Variants in CRACR2A observed in about 807,000 individuals in gnomAD.
CRACR2A encodes EF-hand calcium-binding domain-containing protein 4B.
Under a neutral mutation model 90.5 loss-of-function variants are expected in CRACR2A, and 79 were observed. The ratio of observed to expected loss-of-function variants is 0.87; its 90% CI spans 0.73 to 1.05. The LOEUF is 1.05. CRACR2A is among the 50% of genes least tolerant of loss of function. The pLI, the probability that CRACR2A is intolerant of heterozygous loss-of-function variation, is 0.00. For missense variants in CRACR2A, 823 were observed against 897.2 expected, an observed-to-expected ratio of 0.92 and a Z score of 1.06; for synonymous variants, 338 against 356.7, an observed-to-expected ratio of 0.95 and a Z score of 0.59.
chr12:3,656,112 AAC>A (rs1330042040), intron 9 of CRACR2A, among the ~76,000 whole-genome samples, 197 bp downstream of exon 9: 3 of 152,176 alleles, frequency 2.0e-5, no homozygotes, highest in Non-Finnish European at 4.4e-5. Context: ...TTCCAAGTGA[AAC>A]ACCTGGTATT....
chr12:3,730,665 T>C (rs181758519), intron 2 of CRACR2A: 2 of 152,212 alleles, frequency 1.3e-5, no homozygotes, highest in Non-Finnish European at 2.9e-5. Flanking sequence ...GAGGGAAAGA[T>C]CACCAAGATA....
At chr12:3,696,338 G>A (rs866920954) in intron 4 of CRACR2A, among the ~76,000 whole-genome samples, 1 of 152,350 alleles carries the variant, frequency 6.6e-6, no homozygotes, top group East Asian at 1.9e-4. Flanking sequence ...GTTTGAAGGC[G>A]AGACATGGGT....
chr12:3,676,907 A>C (rs242033), intron 6 of CRACR2A, among the ~76,000 whole-genome samples: 55,994 of 151,978 alleles, frequency 0.37, 10,693 homozygotes, highest in East Asian at 0.47. Context: ...TTGCAGACCC[A>C]CCTGCTCCTC....
At position 3,698,533 on chromosome 12, in the gene CRACR2A, A is replaced by G. The variant is rs534278509; in HGVS notation, c.-36-1498T>C. 1.2e-4 allele frequency among the ~76,000 whole-genome samples: 18 copies of G among 152,352 alleles called. No individual in the cohort carries two copies. The South Asian group carries it at 2.1e-3, about 18-fold the overall frequency. ...GCTCCTGGCCTCAGGAATGAACTTC[A>G]TGTAATAAGGCCTTGACATTGCAGA... is the stretch of plus-strand genomic sequence containing the variant. On this transcript the variant is annotated intron_variant, in intron 3 of 19. Transcript: ENST00000440314.
intron 7 of CRACR2A, among the ~76,000 whole-genome samples, chr12:3,662,858 T>C (rs768155067): frequency 6.6e-6 from 1 of 152,226 alleles, no homozygotes; most frequent in Non-Finnish European, 1.5e-5. Context: ...GCTCGCCATA[T>C]TCTGCCATCA....
intron 3 of CRACR2A, among the ~76,000 whole-genome samples, chr12:3,709,316 T>C (rs1945975524): frequency 6.6e-6 from 1 of 152,280 alleles, no homozygotes; most frequent in Non-Finnish European, 1.5e-5. Flanking sequence ...ATGGTAGAGA[T>C]AATCCAAATG....
At chr12:3,623,204 T>G (rs1484979485) in intron 17 of CRACR2A, among the ~76,000 whole-genome samples, 1 of 152,252 alleles carries the variant, frequency 6.6e-6, no homozygotes, top group Non-Finnish European at 1.5e-5. Flanking sequence ...TGGGCGCCTT[T>G]GGGAAAGTCA....
chr12:3,747,488 GT>G (rs1192239206), intron 1 of CRACR2A, among the ~76,000 whole-genome samples: 1 of 152,182 alleles, frequency 6.6e-6, no homozygotes, highest in African/African-American at 2.4e-5. Context: ...AAGGTATGTG[GT>G]TATGTGCAGC....
chr12:3,735,090 T>C (rs950560521), intron 1 of CRACR2A, among the ~76,000 whole-genome samples: 1 of 151,060 alleles, frequency 6.6e-6, no homozygotes, highest in South Asian at 2.1e-4. Flanking sequence ...AAAAATTTTC[T>C]CTTTGAATTC....
At chr12:3,720,443 G>GAAAGAAAGAAAGAAAC (rs1367579221) in intron 2 of CRACR2A, among the ~76,000 whole-genome samples, 1 of 128,896 alleles carries the variant, frequency 7.8e-6, no homozygotes, top group Non-Finnish European at 1.8e-5. Context: ...AAGAAAGAAA[G>GAAAGAAAGAAAGAAAC]AAAGAAAGAA....
intron 4 of CRACR2A, among the ~76,000 whole-genome samples, chr12:3,681,335 G>A (rs930571943): frequency 6.6e-6 from 1 of 152,218 alleles, no homozygotes; most frequent in Non-Finnish European, 1.5e-5. Flanking sequence ...GTTAAAGGGG[G>A]ACTGGACAAG....
chr12:3,619,208 C>T (rs1565459235), intron 18 of CRACR2A, 63 bp downstream of exon 18: 1 of 1,372,772 alleles, frequency 7.3e-7, no homozygotes, highest in Non-Finnish European at 1.0e-6. Flanking sequence ...GGCTCTTGGG[C>T]ACTTGCCCAA....
intron 13 of CRACR2A, 107 bp from the exon 14 acceptor site, chr12:3,638,561 C>T: frequency 7.7e-7 from 1 of 1,300,564 alleles, no homozygotes; most frequent in Non-Finnish European, 1.0e-6. Flanking sequence ...AGCATCACAC[C>T]TTTGGACAAG....
At chr12:3,637,077 G>A (rs1429707609) in intron 14 of CRACR2A, among the ~76,000 whole-genome samples, 1 of 152,228 alleles carries the variant, frequency 6.6e-6, no homozygotes, top group Non-Finnish European at 1.5e-5. Context: ...ATCACCATGA[G>A]CCAGAGGAGC....
intron 6 of CRACR2A, among the ~76,000 whole-genome samples, chr12:3,675,533 T>C (rs145134656): frequency 3.1e-3 from 465 of 152,352 alleles, no homozygotes; most frequent in African/African-American, 0.01. Context: ...TTTAAAACTC[T>C]GTATGCTAAC....
chr12:3,696,979 C>T lies in CRACR2A; in HGVS notation c.21G>A (p.Arg7=), dbSNP rs1443283290. 6.3e-7 allele frequency: 1 copy of T among 1,590,256 alleles called. No individual in the cohort carries two copies. Among genetic ancestry groups the T allele is most frequent in the Non-Finnish European group, 8.6e-7 (1 of 1,159,820 alleles). ...CAAGTCTCTGGGGTCTGGAGACTAC[C>T]CTCCCGTCAGGGGCAGCCATCGCGA... MAAPDG[R]VVSRPQRLGQ... Residue 7 remains arginine, a synonymous_variant, in exon 4 of 20, where the codon AGG becomes AGA. Transcript: ENST00000440314.
At chr12:3,616,730 A>G (rs1250002130) in intron 19 of CRACR2A, among the ~76,000 whole-genome samples, 1 of 152,258 alleles carries the variant, frequency 6.6e-6, no homozygotes, top group Non-Finnish European at 1.5e-5. Context: ...GGTGACAGGT[A>G]GGGATGCTTT....
intron 1 of CRACR2A, among the ~76,000 whole-genome samples, chr12:3,745,788 A>ATAAC (rs1356770696): frequency 1.4e-4 from 1 of 7,386 alleles, no homozygotes; most frequent in Non-Finnish European, 3.1e-4. Flanking sequence ...CAAAAAATAA[A>ATAAC]ATAAAATAAA....
At chr12:3,693,817 T>C (rs926233867) in intron 4 of CRACR2A, among the ~76,000 whole-genome samples, 1 of 152,204 alleles carries the variant, frequency 6.6e-6, no homozygotes, top group Admixed American at 6.5e-5. Flanking sequence ...AGTATCTTAC[T>C]GGGGTTCTTT....
Sources: allele counts gnomAD v4.1 joint callset (sites outside exome capture counted in the v4.1 genomes callset), GRCh38; gene constraint gnomAD v4.1.1; transcripts MANE v1.5; gene names NCBI Gene and HGNC (gene_info 2026-07-23, HGNC 2026-07-21).